Variants in NEXN observed in about 807,000 individuals in gnomAD.
NEXN encodes the protein nexilin.
In NEXN, 65 loss-of-function variants were observed where a neutral mutation model predicts 92.6. That is an observed-to-expected ratio of 0.70 (90% CI 0.57 to 0.86). NEXN has a LOEUF of 0.86. Ranked by LOEUF, NEXN falls within the 40% of genes least tolerant of loss-of-function variation. The pLI, the probability that NEXN is intolerant of heterozygous loss-of-function variation, is 0.00. For synonymous variants in NEXN, 254 were observed against 242.5 expected (o/e 1.05, Z -0.44); for missense variants, 778 against 771.1 (o/e 1.01, Z -0.11).
At chr1:77,899,194 A>T (rs1647481845) in intron 1 of NEXN, among the ~76,000 whole-genome samples, 2 of 152,070 alleles carry the variant, frequency 1.3e-5, no homozygotes, top group African/African-American at 4.8e-5. Flanking sequence ...TGCTGCTATA[A>T]AGACACATGC....
At chr1:77,927,076 C>T (rs1649908838) in intron 8 of NEXN, among the ~76,000 whole-genome samples, 184 bp downstream of exon 8, 1 of 152,062 alleles carries the variant, frequency 6.6e-6, no homozygotes, top group South Asian at 2.1e-4. Context: ...AATCCCAGCA[C>T]TTTGGGAGGC....
At chr1:77,912,643 C>T (rs1310926758) in intron 1 of NEXN, among the ~76,000 whole-genome samples, 2 of 152,112 alleles carry the variant, frequency 1.3e-5, no homozygotes, top group African/African-American at 4.8e-5. Context: ...GAAATAGATC[C>T]ACGTAAATAT....
rs542223012 is a variant in NEXN, at chr1:77,913,191, G to A, written c.-52-2864G>A. 1.5e-4 allele frequency among the ~76,000 whole-genome samples: 23 copies of A among 152,290 alleles called. 1 individual carries two copies. The highest frequency in any genetic ancestry group is 1.5e-3 in the Admixed American group (23 of 15,302). On this transcript the variant is annotated intron_variant, in intron 1 of 12. Coordinates refer to ENST00000334785, the MANE Select transcript of NEXN (RefSeq NM_144573.4). The stretch of plus-strand genomic sequence containing the variant: ...GCACTTTGGGAGGCCGAGGTGGGCG[G>A]ATCACCTGAGGTCAGGAGTTTGAGA...
intron 11 of NEXN, among the ~76,000 whole-genome samples, chr1:77,940,260 C>T (rs1425722365): frequency 6.6e-6 from 1 of 152,098 alleles, no homozygotes; most frequent in Non-Finnish European, 1.5e-5. Flanking sequence ...ACTCCAAAAC[C>T]ACCTTATGCC....
Position 77,935,809 on chromosome 1 carries a change from AAT to A in NEXN, c.1252-13_1252-12del, listed in dbSNP as rs1650706626. 2.7e-5 allele frequency: 44 copies of A among 1,604,646 alleles called. No homozygotes were observed. Among genetic ancestry groups the A allele is most frequent in the Non-Finnish European group, 3.7e-5 (43 of 1,173,898 alleles). The stretch of plus-strand genomic sequence containing the variant: ...CAAAAACAGCAGCAACAAACTTATT[AAT>A]TTTTTTTGAAGGAAGAGGAAGAAAA... On this transcript the variant is annotated splice_polypyrimidine_tract_variant and intron_variant, in intron 10 of 12. Transcript: ENST00000334785.
chr1:77,912,698 A>T (rs1648682353), intron 1 of NEXN, among the ~76,000 whole-genome samples: 1 of 152,242 alleles, frequency 6.6e-6, no homozygotes, highest in African/African-American at 2.4e-5. Flanking sequence ...TAAAATAGAG[A>T]AAAGATTATT....
At chr1:77,929,650 G>A (rs1294999292) in intron 9 of NEXN, 146 bp downstream of exon 9, 4 of 1,067,582 alleles carry the variant, frequency 3.7e-6, no homozygotes, top group African/African-American at 3.2e-5. Flanking sequence ...AGTCTCCCAT[G>A]GAATAACACC....
chr1:77,894,336 T>A (rs1647173196), intron 1 of NEXN, among the ~76,000 whole-genome samples: 1 of 152,216 alleles, frequency 6.6e-6, no homozygotes, highest in African/African-American at 2.4e-5. Flanking sequence ...TGAAATAGGA[T>A]CTAATTTCAT....
intron 2 of NEXN, 147 bp downstream of exon 2, chr1:77,916,280 T>TA: frequency 2.0e-6 from 1 of 509,820 alleles, no homozygotes; most frequent in Non-Finnish European, 3.5e-6. Context: ...CAAGAAGAGA[T>TA]ACAATTCACC....
chr1:77,928,463 T>C (rs149199636), intron 8 of NEXN, among the ~76,000 whole-genome samples: 44 of 152,138 alleles, frequency 2.9e-4, no homozygotes, highest in Admixed American at 2.2e-3. Flanking sequence ...TACTCGGGTA[T>C]AGCTGCATAA....
At chr1:77,890,618 T>C (rs536342039) in intron 1 of NEXN, among the ~76,000 whole-genome samples, 14 of 152,128 alleles carry the variant, frequency 9.2e-5, no homozygotes, top group Non-Finnish European at 1.9e-4. Context: ...TTGAGCAGAA[T>C]AAAAACTAAA....
intron 11 of NEXN, chr1:77,941,792 G>A (rs1298216470): frequency 5.0e-5 from 26 of 516,634 alleles, no homozygotes; most frequent in Non-Finnish European, 3.5e-6. Flanking sequence ...CAGTGATATT[G>A]TGATCTTTAC....
intron 8 of NEXN, 38 bp downstream of exon 8, chr1:77,926,930 T>C: frequency 6.2e-7 from 1 of 1,612,418 alleles, no homozygotes; most frequent in Non-Finnish European, 8.5e-7. Flanking sequence ...TTAATATTAA[T>C]GAAGTTAGCC....
chr1:77,901,074 A>G (rs1647666627), intron 1 of NEXN, among the ~76,000 whole-genome samples: 2 of 152,230 alleles, frequency 1.3e-5, no homozygotes, highest in African/African-American at 4.8e-5. Flanking sequence ...AGAACTTGAT[A>G]TGACTCAATT....
At position 77,943,876 on chromosome 1, in the gene NEXN, A is replaced by T. The variant is rs1270037773; in HGVS notation, c.*1047A>T. On this transcript the variant is annotated 3_prime_UTR_variant, in exon 13 of 13. Coordinates refer to ENST00000334785, the MANE Select transcript of NEXN (RefSeq NM_144573.4). Reference sequence around the variant, plus strand: ...TATTTTACAACGTGAACCCAAATAAAGTAACTTCTGTATTTAAAAGTCTTT... The same window carrying T: ...TATTTTACAACGTGAACCCAAATAATGTAACTTCTGTATTTAAAAGTCTTT... The T allele has an allele frequency of 2.5e-5, 4 of 157,558 alleles. No homozygotes were observed. Among genetic ancestry groups the T allele is most frequent in the Non-Finnish European group, 5.6e-5 (4 of 71,260 alleles). 9.8% of individuals were successfully genotyped at this position (157,558 alleles called of 1,614,324 possible).
chr1:77,903,425 G>A (rs1647872979), intron 1 of NEXN, among the ~76,000 whole-genome samples: 1 of 152,062 alleles, frequency 6.6e-6, no homozygotes, highest in Non-Finnish European at 1.5e-5. Flanking sequence ...ATTACACTTG[G>A]ATTCCGGCAC....
chr1:77,901,686 T>C (rs1336536045), intron 1 of NEXN, among the ~76,000 whole-genome samples: 1 of 152,162 alleles, frequency 6.6e-6, no homozygotes, highest in Non-Finnish European at 1.5e-5. Context: ...GCCCAGACTT[T>C]AGGTCCTGAG....
Position 77,942,201 on chromosome 1 carries a change from T to C in NEXN, c.1652T>C (p.Leu551Pro), listed in dbSNP as rs754819624. 4 of 1,613,476 alleles carry C rather than the reference T, an allele frequency of 2.5e-6. No homozygotes were observed. Among genetic ancestry groups the C allele is most frequent in the East Asian group, 2.2e-5 (1 of 44,858 alleles). The part of the protein sequence containing the change: ...QFEQREIDAA[L>P]QKKREEEEEE... ...GAACAAAGGGAAATTGATGCAGCAC[T>C]ACAAAAGGTACCAGGCTTATGTATC... The change falls in exon 12 of 13, where the codon CTA becomes CCA. Residue 551 changes from leucine to proline, a missense_variant. Leu to Pro is a moderately conservative substitution (Grantham distance 98). Coordinates refer to ENST00000334785, the MANE Select transcript of NEXN (RefSeq NM_144573.4).
chr1:77,891,822 A>G (rs1386291392), intron 1 of NEXN, among the ~76,000 whole-genome samples: 1 of 151,866 alleles, frequency 6.6e-6, no homozygotes, highest in Non-Finnish European at 1.5e-5. Flanking sequence ...TCATGCCTGT[A>G]ATCCAAGCAC....
Sources: allele counts gnomAD v4.1 joint callset (sites outside exome capture counted in the v4.1 genomes callset), GRCh38; gene constraint gnomAD v4.1.1; transcripts MANE v1.5; gene names NCBI Gene and HGNC (gene_info 2026-07-23, HGNC 2026-07-21).